CARMIL1: variants seen among roughly 807,000 people sequenced by gnomAD.
CARMIL1 encodes capping protein regulator and myosin 1 linker 1.
Under a neutral mutation model 177.1 loss-of-function variants are expected in CARMIL1, and 90 were observed. That is an observed-to-expected ratio of 0.51 (90% CI 0.43 to 0.61). The LOEUF is 0.61. Ranked by LOEUF, CARMIL1 falls within the 20% of genes least tolerant of loss-of-function variation. The pLI is 0.00. For missense variants in CARMIL1, 1,380 were observed against 1,667.0 expected (o/e 0.83, Z 3.00); for synonymous variants, 577 against 606.2 (o/e 0.95, Z 0.71).
chr6:25,492,338 C>T lies in CARMIL1; in HGVS notation c.1220+314C>T, dbSNP rs183269641. Among the ~76,000 whole-genome samples the T allele has an allele frequency of 1.8e-4, 28 of 152,278 alleles. No individual in the cohort carries two copies. In the East Asian group the frequency reaches 4.0e-3, roughly 22 times the overall value. On this transcript the variant is annotated intron_variant, in intron 15 of 36. Coordinates refer to ENST00000329474, the MANE Select transcript of CARMIL1 (RefSeq NM_017640.6). The stretch of plus-strand genomic sequence containing the variant: ...TAGAAACTTTTATAGGTATTTCTCA[C>T]GGGTGAGCTTGGATGTAGGTATAAA...
intron 36 of CARMIL1, among the ~76,000 whole-genome samples, chr6:25,613,582 C>T (rs1222760321): frequency 6.6e-6 from 1 of 152,142 alleles, no homozygotes; most frequent in African/African-American, 2.4e-5. Context: ...ATCAGCTCTG[C>T]CCTCCAATGG....
At chr6:25,572,755 G>C (rs1424196230) in intron 29 of CARMIL1, among the ~76,000 whole-genome samples, 2 of 150,236 alleles carry the variant, frequency 1.3e-5, no homozygotes, top group African/African-American at 2.4e-5. Flanking sequence ...GAATCACTAG[G>C]GTCCATGAGG....
At chr6:25,403,846 T>C (rs1029759045) in intron 2 of CARMIL1, among the ~76,000 whole-genome samples, 2 of 152,242 alleles carry the variant, frequency 1.3e-5, no homozygotes, top group African/African-American at 2.4e-5. Context: ...ACCATAGATA[T>C]GCCATATGTT....
chr6:25,519,866 G>A (rs16890706), intron 22 of CARMIL1, among the ~76,000 whole-genome samples: 15,331 of 152,266 alleles, frequency 0.1, 975 homozygotes, highest in East Asian at 0.23. Flanking sequence ...GGTAGAGTCA[G>A]ATCTATTGGT....
intron 2 of CARMIL1, among the ~76,000 whole-genome samples, chr6:25,352,249 C>G (rs1432535503): frequency 6.6e-6 from 1 of 151,726 alleles, no homozygotes; most frequent in African/African-American, 2.4e-5. Flanking sequence ...TCACAAAAAC[C>G]ATGCCATGGG....
intron 29 of CARMIL1, among the ~76,000 whole-genome samples, chr6:25,565,793 C>T (rs539193014): frequency 6.6e-6 from 1 of 152,076 alleles, no homozygotes; most frequent in East Asian, 1.9e-4. Context: ...TGCAGTGAGC[C>T]GAAACAGCCT....
At chr6:25,593,104 C>T (rs1814477383) in intron 31 of CARMIL1, among the ~76,000 whole-genome samples, 1 of 152,164 alleles carries the variant, frequency 6.6e-6, no homozygotes, top group South Asian at 2.1e-4. Flanking sequence ...TAAGATACAG[C>T]TTTTCCCCCA....
chr6:25,405,047 T>TTG (rs35272808), intron 2 of CARMIL1, among the ~76,000 whole-genome samples: 127,059 of 151,984 alleles, frequency 0.84, 53,224 homozygotes, highest in Middle Eastern at 0.92. Context: ...CTTCCTCCTG[T>TTG]TGTGAAGACT....
intron 11 of CARMIL1, among the ~76,000 whole-genome samples, chr6:25,474,336 C>T (rs1472050530): frequency 1.3e-5 from 2 of 151,856 alleles, no homozygotes; most frequent in Non-Finnish European, 2.9e-5. Context: ...AGGTTGGTCT[C>T]GAACTCCTGA....
chr6:25,435,593 C>A lies in CARMIL1; in HGVS notation c.360C>A (p.Gly120=). The A allele has an allele frequency of 6.3e-7, 1 of 1,576,056 alleles. No individual in the cohort carries two copies. The highest frequency in any genetic ancestry group is 8.6e-7 in the Non-Finnish European group (1 of 1,159,786). ...CCTGCCTGAGGAAGATATTTCCTGGCCTCTCTCCAGTGTGAGTTTCCCTGG... is the reference window on the plus strand; with the variant it reads ...CCTGCCTGAGGAAGATATTTCCTGGACTCTCTCCAGTGTGAGTTTCCCTGG... The part of the protein sequence containing the change: ...IGTCLRKIFP[G]LSPVRIMKKV... Residue 120 remains glycine (G), a synonymous_variant, in exon 5 of 37, where the codon GGC becomes GGA. Transcript: ENST00000329474.
chr6:25,343,376 C>A (rs923966998), intron 2 of CARMIL1, among the ~76,000 whole-genome samples: 1 of 146,730 alleles, frequency 6.8e-6, no homozygotes, highest in East Asian at 2.0e-4. Context: ...GATCCATGAA[C>A]AAGGGATAAG....
rs377016173 is a variant in CARMIL1 at position 25,558,900 on chromosome 6, G to A, written c.2742+2050G>A. On this transcript the variant is annotated intron_variant, in intron 29 of 36. Transcript: ENST00000329474. The surrounding 1 kb of genome is among the most constrained non-coding windows in gnomAD (Gnocchi z 4.1). ...TTTTTAAGTCATGAAAGCAGCTTTT[G>A]TTCTAATAAATATTGTCTTCATTCA... 9.2e-5 allele frequency among the ~76,000 whole-genome samples: 14 copies of A among 152,218 alleles called. No individual in the cohort carries two copies. The East Asian group carries it at 2.7e-3, about 29-fold the overall frequency.
chr6:25,485,643 T>C (rs956663907), intron 12 of CARMIL1, among the ~76,000 whole-genome samples: 8 of 152,138 alleles, frequency 5.3e-5, no homozygotes, highest in Admixed American at 4.6e-4. Context: ...CCATGTTGGC[T>C]AGGCTGGTCT....
At chr6:25,603,672 C>G (rs1055964744) in intron 33 of CARMIL1, among the ~76,000 whole-genome samples, 29 of 152,206 alleles carry the variant, frequency 1.9e-4, no homozygotes, top group African/African-American at 7.0e-4. Context: ...ATCATGCCTG[C>G]TGGTCTACTG....
At chr6:25,472,570 A>C (rs1326266063) in intron 11 of CARMIL1, 49 bp downstream of exon 11, 2 of 1,433,488 alleles carry the variant, frequency 1.4e-6, no homozygotes, top group South Asian at 2.5e-5. Flanking sequence ...TAAGAGGATT[A>C]GAGAATTTTA....
At chr6:25,578,442 G>C (rs1812799051) in intron 29 of CARMIL1, among the ~76,000 whole-genome samples, 1 of 152,104 alleles carries the variant, frequency 6.6e-6, no homozygotes, top group Admixed American at 6.6e-5. Flanking sequence ...CACTTAGGTG[G>C]ATAATTATAG....
intron 8 of CARMIL1, chr6:25,452,257 C>T (rs867661828): frequency 2.6e-6 from 2 of 762,824 alleles, no homozygotes; most frequent in Non-Finnish European, 4.8e-6. Flanking sequence ...AGCAGTTCTC[C>T]TTCTTCCTAT....
At chr6:25,519,879 C>T (rs2151074994) in intron 22 of CARMIL1, among the ~76,000 whole-genome samples, 1 of 152,288 alleles carries the variant, frequency 6.6e-6, no homozygotes, top group African/African-American at 2.4e-5. Context: ...CTATTGGTTA[C>T]TAAAACCCAT....
At chr6:25,613,457 C>T (rs1562343885) in intron 36 of CARMIL1, among the ~76,000 whole-genome samples, 1 of 152,090 alleles carries the variant, frequency 6.6e-6, no homozygotes, top group Non-Finnish European at 1.5e-5. Context: ...CAATTTATTC[C>T]ACTTTTTAGG....
Sources: allele counts gnomAD v4.1 joint callset (sites outside exome capture counted in the v4.1 genomes callset), GRCh38; gene constraint gnomAD v4.1.1; non-coding constraint Gnocchi (gnomAD v3.1); transcripts MANE v1.5; gene names NCBI Gene and HGNC (gene_info 2026-07-23, HGNC 2026-07-21).